The following AMBRA1 variants were observed in gnomAD, a reference collection of about 807,000 sequenced individuals.
The protein encoded by AMBRA1 is autophagy and beclin 1 regulator 1.
AMBRA1 carries 47 observed loss-of-function variants against 125.4 expected under a neutral mutation model. The ratio of observed to expected loss-of-function variants is 0.37; its 90% CI spans 0.30 to 0.48. AMBRA1 has a LOEUF of 0.48. Ranked by LOEUF, AMBRA1 falls within the 20% of genes least tolerant of loss-of-function variation. AMBRA1 has a pLI of 0.99. For missense variants in AMBRA1, 1,331 were observed against 1,693.4 expected, an observed-to-expected ratio of 0.79 and a Z score of 3.76; for synonymous variants, 626 against 655.5, an observed-to-expected ratio of 0.95 and a Z score of 0.69.
At chr11:46,549,295 T>C (rs2042917998) in intron 1 of AMBRA1, among the ~76,000 whole-genome samples, 1 of 152,238 alleles carries the variant, frequency 6.6e-6, no homozygotes, top group Non-Finnish European at 1.5e-5. Context: ...ATATATACAG[T>C]GTTATCCACT....
rs971875596 is a variant in AMBRA1 at position 46,471,848 on chromosome 11, G to A, written c.2521+21760C>T. Among the ~76,000 whole-genome samples the A allele has an allele frequency of 8.9e-4, 136 of 151,984 alleles. 1 individual carries two copies. Among genetic ancestry groups the A allele is most frequent in the African/African-American group, 2.3e-3 (96 of 41,484 alleles). The stretch of plus-strand genomic sequence containing the variant: ...TCATCATGTTGGCCAGGATGGTCTC[G>A]ATCTCCTGTCCTCATGATCCACCCA... On this transcript the variant is annotated intron_variant, in intron 11 of 17. Transcript: ENST00000683756.
intron 9 of AMBRA1, among the ~76,000 whole-genome samples, chr11:46,505,860 C>T (rs1303406857): frequency 6.6e-6 from 1 of 152,108 alleles, no homozygotes; most frequent in Non-Finnish European, 1.5e-5. Flanking sequence ...AGTCACGAGG[C>T]AAGATACAGC....
chr11:46,441,024 C>T (rs1056630350), intron 12 of AMBRA1, among the ~76,000 whole-genome samples: 1 of 152,124 alleles, frequency 6.6e-6, no homozygotes, highest in Admixed American at 6.5e-5. Context: ...TGGTGCAATG[C>T]CCTGCCTGAT....
At chr11:46,421,903 CAA>C (rs1946865079) in intron 14 of AMBRA1, among the ~76,000 whole-genome samples, 1 of 152,160 alleles carries the variant, frequency 6.6e-6, no homozygotes, top group African/African-American at 2.4e-5. Flanking sequence ...TCAGTACTGA[CAA>C]AGACAGTATA....
chr11:46,519,724 G>A (rs1431464166), intron 7 of AMBRA1, among the ~76,000 whole-genome samples: 1 of 152,182 alleles, frequency 6.6e-6, no homozygotes, highest in Non-Finnish European at 1.5e-5. Flanking sequence ...ATAAAATCCA[G>A]ATTCCTCAGC....
chr11:46,455,489 C>A (rs1313281911), intron 11 of AMBRA1, among the ~76,000 whole-genome samples: 3 of 152,162 alleles, frequency 2.0e-5, no homozygotes, highest in Non-Finnish European at 4.4e-5. Flanking sequence ...CAAAGACATT[C>A]ACAGACATGG....
intron 17 of AMBRA1, among the ~76,000 whole-genome samples, chr11:46,404,953 G>A (rs1013292622): frequency 1.3e-5 from 2 of 152,200 alleles, no homozygotes. Flanking sequence ...TGCTCCCAGA[G>A]CCCCAGCATG....
At chr11:46,577,788 T>C (rs531282354) in intron 1 of AMBRA1, among the ~76,000 whole-genome samples, 61 of 152,036 alleles carry the variant, frequency 4.0e-4, no homozygotes, top group Non-Finnish European at 3.4e-4. Context: ...CTGTCTCTAC[T>C]AAAAGTACAA....
chr11:46,549,478 GT>G (rs1018568045), intron 1 of AMBRA1, among the ~76,000 whole-genome samples: 2 of 151,862 alleles, frequency 1.3e-5, no homozygotes, highest in Admixed American at 6.6e-5. Flanking sequence ...TGAGGTTGGT[GT>G]TTTTTTTGTA....
intron 17 of AMBRA1, among the ~76,000 whole-genome samples, chr11:46,401,085 G>C (rs919883153): frequency 5.3e-5 from 8 of 152,094 alleles, no homozygotes; most frequent in South Asian, 2.1e-4. Context: ...GGGCTGCCTG[G>C]GGAGGTCCCC....
chr11:46,499,588 T>G (rs1052272423), intron 9 of AMBRA1, among the ~76,000 whole-genome samples: 18 of 152,194 alleles, frequency 1.2e-4, no homozygotes, highest in African/African-American at 4.3e-4. Flanking sequence ...TTCTTAATCC[T>G]CAGGAAGGCC....
chr11:46,407,679 G>A (rs1004223994), intron 17 of AMBRA1, among the ~76,000 whole-genome samples: 1 of 152,272 alleles, frequency 6.6e-6, no homozygotes, highest in African/African-American at 2.4e-5. Flanking sequence ...GTTGGGGACT[G>A]CGGTGTAGAA....
chr11:46,479,968 C>T (rs1483524541), intron 11 of AMBRA1, among the ~76,000 whole-genome samples: 4 of 152,186 alleles, frequency 2.6e-5, no homozygotes, highest in African/African-American at 4.8e-5. Flanking sequence ...GGCCTGTGTT[C>T]GGGTCTGTCT....
At chr11:46,518,608 TAGAGACA>T (rs1951626544) in intron 7 of AMBRA1, among the ~76,000 whole-genome samples, 1 of 152,084 alleles carries the variant, frequency 6.6e-6, no homozygotes, top group African/African-American at 2.4e-5. Flanking sequence ...GGAATCCTGA[TAGAGACA>T]AAGCCTAAAA....
chr11:46,481,997 G>T (rs1401390637), intron 11 of AMBRA1, among the ~76,000 whole-genome samples: 1 of 152,174 alleles, frequency 6.6e-6, no homozygotes, highest in African/African-American at 2.4e-5. Flanking sequence ...AAGTCCTCAC[G>T]TTTTGCAAGT....
chr11:46,475,141 C>T (rs1327396464), intron 11 of AMBRA1, among the ~76,000 whole-genome samples: 1 of 152,230 alleles, frequency 6.6e-6, no homozygotes, highest in East Asian at 1.9e-4. Context: ...GAATAGCAAC[C>T]CAACTAACTT....
rs745996648 is a variant in AMBRA1, at chr11:46,542,115, CAACTCCAGCCTGCT to C, written c.1888_1901del (p.Ser630GlufsTer5). On this transcript the variant is annotated frameshift_variant, in exon 7 of 18. Transcript: ENST00000683756. LOFTEE classifies it high-confidence loss of function. This position sits in a 1 kb window ranked among gnomAD's most constrained non-coding sequence, Gnocchi z 5.9. ...CCTCCTGCGGACTAGCAGAGCTGCTCAACTCCAGCCTGCTGGAGCTGGGCGTTTGGCCCTCAGTC... is the reference window on the plus strand; with the variant it reads ...CCTCCTGCGGACTAGCAGAGCTGCTCGGAGCTGGGCGTTTGGCCCTCAGTC... 1 of 1,613,998 alleles carries C rather than the reference CAACTCCAGCCTGCT, an allele frequency of 6.2e-7. No individual in the cohort carries two copies. The highest frequency in any genetic ancestry group is 2.2e-5 in the East Asian group (1 of 44,888).
At chr11:46,466,219 C>T (rs898890742) in intron 11 of AMBRA1, among the ~76,000 whole-genome samples, 5 of 152,254 alleles carry the variant, frequency 3.3e-5, no homozygotes, top group Admixed American at 6.5e-5. Context: ...TGCTGGCACA[C>T]GCCTGTAGTC....
At chr11:46,410,544 C>T (rs1946235713) in intron 15 of AMBRA1, among the ~76,000 whole-genome samples, 176 bp from the exon 16 acceptor site, 1 of 152,198 alleles carries the variant, frequency 6.6e-6, no homozygotes, top group Non-Finnish European at 1.5e-5. Flanking sequence ...AGTGCTGGAT[C>T]AATTCAGACA....
Sources: gnomAD v4.1 joint callset for allele counts (sites outside exome capture counted in the v4.1 genomes callset) on GRCh38, gnomAD v4.1.1 for gene constraint, Gnocchi (gnomAD v3.1) non-coding constraint, MANE v1.5 for transcripts, NCBI Gene and HGNC (gene_info 2026-07-23, HGNC 2026-07-21) for gene names.